Variants in KDM4C observed in about 807,000 individuals in gnomAD.
KDM4C encodes lysine-specific demethylase 4C.
KDM4C carries 81 observed loss-of-function variants against 129.3 expected under a neutral mutation model. The observed-to-expected ratio is 0.63, with a 90% CI of 0.52 to 0.75. The LOEUF (loss-of-function observed/expected upper bound fraction) is 0.75. Among genes scored for constraint, KDM4C ranks in the 30% least tolerant of loss-of-function variants. KDM4C has a pLI of 0.00. For synonymous variants in KDM4C, 573 were observed against 456.1 expected (o/e 1.26, Z -3.26); for missense variants, 1,457 against 1,304.0 (o/e 1.12, Z -1.81).
chr9:6,817,363 A>T (rs1365974844), intron 4 of KDM4C, among the ~76,000 whole-genome samples: 1 of 151,818 alleles, frequency 6.6e-6, no homozygotes, highest in Non-Finnish European at 1.5e-5. Flanking sequence ...CACCATGCCT[A>T]GCTAATTTTT....
chr9:7,164,127 T>G (rs999806780), intron 19 of KDM4C, among the ~76,000 whole-genome samples: 3 of 152,228 alleles, frequency 2.0e-5, no homozygotes, highest in Non-Finnish European at 4.4e-5. Context: ...ATTGGTCAAG[T>G]GTGCATTTCA....
chr9:6,961,254 A>G (rs1829998670), intron 8 of KDM4C, among the ~76,000 whole-genome samples: 1 of 152,184 alleles, frequency 6.6e-6, no homozygotes, highest in South Asian at 2.1e-4. Flanking sequence ...TGGCTTGATA[A>G]TTATCCAGTG....
chr9:6,909,400 C>A (rs1707176973), intron 8 of KDM4C, among the ~76,000 whole-genome samples: 4 of 152,170 alleles, frequency 2.6e-5, no homozygotes, highest in South Asian at 2.1e-4. Context: ...GATCATTAAT[C>A]TGGGTGTGTG....
At chr9:6,922,862 A>T (rs1204134573) in intron 8 of KDM4C, among the ~76,000 whole-genome samples, 1 of 152,214 alleles carries the variant, frequency 6.6e-6, no homozygotes, top group Non-Finnish European at 1.5e-5. Context: ...TCAGGAAGAG[A>T]TGCTTATCTC....
chr9:7,102,309 CTTTTTTTTTTTTT>C (rs34614459), intron 17 of KDM4C, among the ~76,000 whole-genome samples: 31 of 89,996 alleles, frequency 3.4e-4, no homozygotes, highest in African/African-American at 1.1e-3. Context: ...ATGGTTTTCC[CTTTTTTTTTTTTT>C]TTTTTTTTTT....
intron 4 of KDM4C, among the ~76,000 whole-genome samples, chr9:6,820,408 A>G (rs1043268886): frequency 6.6e-6 from 1 of 152,180 alleles, no homozygotes; most frequent in African/African-American, 2.4e-5. Flanking sequence ...AAAAACTCGA[A>G]TAGCAGCTGT....
chr9:7,141,851 G>C (rs1212173124), intron 19 of KDM4C, among the ~76,000 whole-genome samples: 1 of 151,510 alleles, frequency 6.6e-6, no homozygotes, highest in East Asian at 1.9e-4. Flanking sequence ...TGAGTGAAAA[G>C]TCCCATGCCT....
intron 12 of KDM4C, among the ~76,000 whole-genome samples, chr9:7,001,662 T>C (rs1820742984): frequency 6.6e-6 from 1 of 152,172 alleles, no homozygotes; most frequent in Non-Finnish European, 1.5e-5. Context: ...ACGTGATAAC[T>C]CCTATTAGTT....
intron 19 of KDM4C, among the ~76,000 whole-genome samples, chr9:7,152,612 A>C (rs939681628): frequency 1.3e-5 from 2 of 152,224 alleles, no homozygotes; most frequent in African/African-American, 4.8e-5. Context: ...AGTTCTGAAG[A>C]TGGAGAGTGG....
At chr9:7,095,679 G>C (rs1402478258) in intron 17 of KDM4C, among the ~76,000 whole-genome samples, 1 of 152,122 alleles carries the variant, frequency 6.6e-6, no homozygotes, top group Non-Finnish European at 1.5e-5. Flanking sequence ...ATCTAAAACT[G>C]GGTAAGTTGA....
chr9:6,875,519 G>A (rs1054365912), intron 5 of KDM4C, among the ~76,000 whole-genome samples: 1 of 152,198 alleles, frequency 6.6e-6, no homozygotes, highest in East Asian at 1.9e-4. Flanking sequence ...TCTTAGAAAT[G>A]TAAGTGGGTA....
chr9:6,734,034 T>G (rs1405046434), intron 1 of KDM4C, among the ~76,000 whole-genome samples: 1 of 152,188 alleles, frequency 6.6e-6, no homozygotes, highest in Non-Finnish European at 1.5e-5. Flanking sequence ...TGACCTCCTA[T>G]GTCATCCTGT....
intron 15 of KDM4C, among the ~76,000 whole-genome samples, chr9:7,021,887 C>A (rs915458175): frequency 3.9e-5 from 6 of 152,080 alleles, no homozygotes; most frequent in African/African-American, 1.4e-4. Context: ...ATCTAGTTTT[C>A]CCAGCATCAT....
At chr9:7,114,626 A>T (rs114389834) in intron 18 of KDM4C, among the ~76,000 whole-genome samples, 2,441 of 152,300 alleles carry the variant, frequency 0.016, 73 homozygotes, top group African/African-American at 0.055. Context: ...AAAATTCAAG[A>T]CAAAGGCATT....
intron 1 of KDM4C, among the ~76,000 whole-genome samples, chr9:6,725,962 T>G (rs1817113348): frequency 6.6e-6 from 1 of 151,152 alleles, no homozygotes; most frequent in South Asian, 2.1e-4. Flanking sequence ...AGTCTCGATC[T>G]GTTGCCCAGG....
At chr9:6,869,746 T>C (rs945923482) in intron 5 of KDM4C, among the ~76,000 whole-genome samples, 2 of 152,208 alleles carry the variant, frequency 1.3e-5, no homozygotes, top group Non-Finnish European at 2.9e-5. Flanking sequence ...GGAGGGAACC[T>C]GAACTCATGA....
intron 12 of KDM4C, among the ~76,000 whole-genome samples, chr9:6,995,657 T>TA (rs1586787412): frequency 1.3e-5 from 2 of 152,154 alleles, no homozygotes; most frequent in Admixed American, 1.3e-4. Flanking sequence ...AGAAAGTACT[T>TA]ACACCTTTGC....
intron 12 of KDM4C, among the ~76,000 whole-genome samples, chr9:7,007,566 G>C (rs777283716): frequency 6.6e-5 from 10 of 152,176 alleles, no homozygotes; most frequent in Admixed American, 5.9e-4. Flanking sequence ...TAAGATTGAA[G>C]CCTACATCAG....
chr9:6,932,711 C>T (rs1357437673), intron 8 of KDM4C, among the ~76,000 whole-genome samples: 5 of 152,124 alleles, frequency 3.3e-5, no homozygotes, highest in Non-Finnish European at 7.3e-5. Context: ...GGTTCTGACC[C>T]CTGGGATGAT....
Sources: gnomAD v4.1 joint callset for allele counts (sites outside exome capture counted in the v4.1 genomes callset) on GRCh38, gnomAD v4.1.1 for gene constraint, MANE v1.5 for transcripts, NCBI Gene and HGNC (gene_info 2026-07-23, HGNC 2026-07-21) for gene names.